The following GNB1 variants were observed in gnomAD, a reference collection of about 807,000 sequenced individuals.
The protein encoded by GNB1 is G protein subunit beta 1, also known as guanine nucleotide-binding protein G(I)/G(S)/G(T) subunit beta-1.
In GNB1, 2 loss-of-function variants were observed where a neutral mutation model predicts 42.9. The ratio of observed to expected loss-of-function variants is 0.05; its 90% CI spans 0.02 to 0.15. GNB1 has a LOEUF of 0.15. Among genes scored for constraint, GNB1 ranks in the 10% least tolerant of loss-of-function variants. The probability of loss-of-function intolerance (pLI) is 1.00; values close to 1 mark genes in which losing one functional copy is unlikely to be tolerated. For synonymous variants in GNB1, 183 were observed against 174.7 expected, an observed-to-expected ratio of 1.05 and a Z score of -0.38; for missense variants, 193 against 462.2, an observed-to-expected ratio of 0.42 and a Z score of 5.34.
intron 5 of GNB1, among the ~76,000 whole-genome samples, chr1:1,810,808 C>G (rs1379373093): frequency 6.6e-6 from 1 of 150,712 alleles, no homozygotes; most frequent in Non-Finnish European, 1.5e-5. Context: ...GCTGGGATTA[C>G]AGGCACCCAC....
At chr1:1,848,037 C>CTA (rs34011234) in intron 1 of GNB1, among the ~76,000 whole-genome samples, 62,321 of 151,796 alleles carry the variant, frequency 0.41, 12,972 homozygotes, top group Middle Eastern at 0.51. Context: ...GGAACTAAAA[C>CTA]TAAAGCATAC....
intron 5 of GNB1, among the ~76,000 whole-genome samples, chr1:1,813,658 T>C (rs1198809610): frequency 6.6e-6 from 1 of 151,982 alleles, no homozygotes; most frequent in Non-Finnish European, 1.5e-5. Flanking sequence ...AACCAACTTA[T>C]TTTTGTACTT....
chr1:1,844,417 G>A (rs1362091960), intron 1 of GNB1, among the ~76,000 whole-genome samples: 1 of 150,716 alleles, frequency 6.6e-6, no homozygotes, highest in Non-Finnish European at 1.5e-5. Context: ...AAAAAGATGG[G>A]CACTTTTTCA....
chr1:1,815,972 G>A (rs1294491396), intron 4 of GNB1, 110 bp from the exon 5 acceptor site: 2 of 693,960 alleles, frequency 2.9e-6, no homozygotes, highest in Non-Finnish European at 5.2e-6. Context: ...CCTCTTCCCA[G>A]CCCTTCCCAC....
intron 7 of GNB1, among the ~76,000 whole-genome samples, chr1:1,798,580 G>T (rs1570631318): frequency 6.6e-6 from 1 of 152,294 alleles, no homozygotes; most frequent in South Asian, 2.1e-4. Context: ...GGCAAGGGCC[G>T]CCGTGTCTCC....
intron 5 of GNB1, among the ~76,000 whole-genome samples, 177 bp from the exon 6 acceptor site, chr1:1,806,715 T>C (rs1023333853): frequency 4.6e-5 from 7 of 152,352 alleles, no homozygotes; most frequent in Middle Eastern, 6.8e-3. Flanking sequence ...TGCTCACGTT[T>C]GTAATCCCAG....
intron 1 of GNB1, chr1:1,890,270 C>T (rs1650408608): frequency 6.6e-6 from 1 of 151,954 alleles, no homozygotes; most frequent in Non-Finnish European, 1.5e-5. Flanking sequence ...GCTTTAAATC[C>T]CTACTCCGAC....
chr1:1,792,525 C>T (rs979280188), intron 8 of GNB1, among the ~76,000 whole-genome samples: 3 of 151,510 alleles, frequency 2.0e-5, no homozygotes, highest in Non-Finnish European at 4.4e-5. Flanking sequence ...GGTGAAATCC[C>T]GTCTCTACTG....
chr1:1,810,108 G>A (rs888937037), intron 5 of GNB1, among the ~76,000 whole-genome samples: 1 of 151,854 alleles, frequency 6.6e-6, no homozygotes, highest in Non-Finnish European at 1.5e-5. Context: ...ATGGAGTCTC[G>A]CTCTGTCACC....
chr1:1,808,297 C>A (rs560167474), intron 5 of GNB1, among the ~76,000 whole-genome samples: 1 of 152,118 alleles, frequency 6.6e-6, no homozygotes, highest in African/African-American at 2.4e-5. Flanking sequence ...TGAGCCACTG[C>A]GCCCGACCAT....
At chr1:1,884,921 G>C (rs1031645162) in intron 1 of GNB1, among the ~76,000 whole-genome samples, 1 of 151,524 alleles carries the variant, frequency 6.6e-6, no homozygotes, top group South Asian at 2.1e-4. Flanking sequence ...CTGACATCGT[G>C]ATCTGCCCGC....
intron 1 of GNB1, among the ~76,000 whole-genome samples, chr1:1,845,294 C>A (rs1460576719): frequency 6.6e-6 from 1 of 152,180 alleles, no homozygotes; most frequent in African/African-American, 2.4e-5. Flanking sequence ...TTAAAGTAGG[C>A]CGGGTGCGGT....
chr1:1,864,334 A>AG (rs1553204212), intron 1 of GNB1, among the ~76,000 whole-genome samples: 9 of 130,526 alleles, frequency 6.9e-5, no homozygotes, highest in African/African-American at 2.1e-4. Flanking sequence ...AAAAAAAAAA[A>AG]AAGAAGAAAA....
chr1:1,799,210 G>A (rs1444202517), intron 7 of GNB1, among the ~76,000 whole-genome samples: 5 of 152,080 alleles, frequency 3.3e-5, no homozygotes, highest in African/African-American at 9.7e-5. Context: ...GTGAGCCACC[G>A]CGCCCAGCCC....
intron 1 of GNB1, among the ~76,000 whole-genome samples, chr1:1,854,444 T>A (rs1226736062): frequency 6.6e-6 from 1 of 152,200 alleles, no homozygotes; most frequent in East Asian, 1.9e-4. Context: ...CCAACTGCTA[T>A]CCTTCTCTTA....
At chr1:1,877,722 A>G (rs1435750735) in intron 1 of GNB1, among the ~76,000 whole-genome samples, 1 of 152,146 alleles carries the variant, frequency 6.6e-6, no homozygotes, top group East Asian at 1.9e-4. Context: ...CAGGAACAAG[A>G]TCTCCAGAGA....
chr1:1,842,185 C>A (rs555632858), intron 1 of GNB1, among the ~76,000 whole-genome samples: 7 of 152,314 alleles, frequency 4.6e-5, no homozygotes, highest in Non-Finnish European at 8.8e-5. Context: ...AATCCCAGCA[C>A]TCTGGGAGGC....
intron 2 of GNB1, among the ~76,000 whole-genome samples, chr1:1,837,872 C>G (rs966987795): frequency 2.0e-5 from 3 of 151,606 alleles, no homozygotes; most frequent in African/African-American, 7.3e-5. Flanking sequence ...GAGTTAATTT[C>G]TGTACATGAT....
intron 1 of GNB1, among the ~76,000 whole-genome samples, chr1:1,882,749 T>C (rs1254875378): frequency 2.0e-5 from 3 of 151,986 alleles, no homozygotes; most frequent in African/African-American, 7.2e-5. Flanking sequence ...GGTGAAACCC[T>C]GTCTCTACTA....
Sources: allele counts gnomAD v4.1 joint callset (sites outside exome capture counted in the v4.1 genomes callset), GRCh38; gene constraint gnomAD v4.1.1; transcripts MANE v1.5; gene names NCBI Gene and HGNC (gene_info 2026-07-23, HGNC 2026-07-21).